The following MAL2 variants were observed in gnomAD, a reference collection of about 807,000 sequenced individuals.
MAL2 encodes the protein protein MAL2.
MAL2 carries 17 observed loss-of-function variants against 18.1 expected under a neutral mutation model. The ratio of observed to expected loss-of-function variants is 0.94; its 90% CI spans 0.64 to 1.41. MAL2 has a LOEUF of 1.41. MAL2 is among the 40% of genes most tolerant of loss of function. MAL2 has a pLI of 0.00. For synonymous variants in MAL2, 102 were observed against 102.3 expected (o/e 1.00, Z 0.02); for missense variants, 222 against 231.9 (o/e 0.96, Z 0.28).
chr8:119,234,681 AC>A (rs1171644799), intron 2 of MAL2, among the ~76,000 whole-genome samples: 2 of 151,652 alleles, frequency 1.3e-5, no homozygotes, highest in Non-Finnish European at 2.9e-5. Context: ...ACTGGGAGGC[AC>A]CCCCCAGCAG....
At chr8:119,223,124 C>T (rs1324139498) in intron 2 of MAL2, among the ~76,000 whole-genome samples, 1 of 152,174 alleles carries the variant, frequency 6.6e-6, no homozygotes, top group Non-Finnish European at 1.5e-5. Flanking sequence ...AGCTTTAGTG[C>T]AGATGTTAAA....
intron 2 of MAL2, among the ~76,000 whole-genome samples, chr8:119,229,792 A>AAAAC (rs1243489321): frequency 1.3e-5 from 2 of 152,178 alleles, no homozygotes; most frequent in Admixed American, 1.3e-4. Flanking sequence ...AACTCTTCCA[A>AAAAC]AAACAAAGCT....
At chr8:119,227,088 G>GA (rs1167346715) in intron 2 of MAL2, among the ~76,000 whole-genome samples, 2 of 152,112 alleles carry the variant, frequency 1.3e-5, no homozygotes, top group Non-Finnish European at 2.9e-5. Flanking sequence ...ATACAATTGT[G>GA]AAAAAAGACA....
rs1487832570 is a variant in MAL2 at position 119,234,831 on chromosome 8, A to G, written c.304-5334A>G. Among the ~76,000 whole-genome samples, 4 of 151,940 alleles carry G rather than the reference A, an allele frequency of 2.6e-5. No homozygotes were observed. The East Asian group carries it at 7.7e-4, about 29-fold the overall frequency. On this transcript the variant is annotated intron_variant, in intron 2 of 3. Coordinates refer to ENST00000614891, the MANE Select transcript of MAL2 (RefSeq NM_052886.3). ...TGTACATCACCATCATCAAAGACCA[A>G]AAGTAGATAAAACCACAAAGATGGG...
chr8:119,218,931 T>A (rs1817410262), intron 1 of MAL2, among the ~76,000 whole-genome samples: 1 of 152,190 alleles, frequency 6.6e-6, no homozygotes, highest in African/African-American at 2.4e-5. Flanking sequence ...TATTTAAAGT[T>A]ATGTAGGTTA....
intron 2 of MAL2, among the ~76,000 whole-genome samples, chr8:119,232,778 CAT>C (rs1316418625): frequency 6.6e-6 from 1 of 152,088 alleles, no homozygotes; most frequent in Non-Finnish European, 1.5e-5. Flanking sequence ...TTAAAGACAG[CAT>C]ATGTTATGGC....
intron 2 of MAL2, among the ~76,000 whole-genome samples, chr8:119,239,547 T>C (rs377224151): frequency 3.9e-5 from 6 of 152,100 alleles, no homozygotes; most frequent in African/African-American, 1.2e-4. Flanking sequence ...TAGACTGGAT[T>C]AAGAAAATGT....
chr8:119,218,588 A>G (rs1264286358), intron 1 of MAL2, among the ~76,000 whole-genome samples: 2 of 151,828 alleles, frequency 1.3e-5, no homozygotes, highest in Non-Finnish European at 2.9e-5. Context: ...AATAGTGTCT[A>G]TTTCTTCCTT....
At chr8:119,231,819 A>T (rs191388221) in intron 2 of MAL2, among the ~76,000 whole-genome samples, 1 of 152,270 alleles carries the variant, frequency 6.6e-6, no homozygotes, top group Admixed American at 6.5e-5. Context: ...CCAGGCACGG[A>T]AAGACCAATA....
intron 2 of MAL2, among the ~76,000 whole-genome samples, chr8:119,222,959 G>A (rs920008431): frequency 1.3e-5 from 2 of 152,070 alleles, no homozygotes; most frequent in Non-Finnish European, 2.9e-5. Flanking sequence ...CTCTAAGACT[G>A]TTTTAGAATG....
chr8:119,233,004 C>G (rs1817768578), intron 2 of MAL2, among the ~76,000 whole-genome samples: 1 of 33,688 alleles, frequency 3.0e-5, no homozygotes, highest in South Asian at 7.9e-4. Flanking sequence ...AGCTTTACTT[C>G]CAACTATGTG....
chr8:119,233,027 A>G (rs1233854403), intron 2 of MAL2, among the ~76,000 whole-genome samples: 1 of 152,178 alleles, frequency 6.6e-6, no homozygotes, highest in Non-Finnish European at 1.5e-5. Flanking sequence ...CAATTTTGGA[A>G]TAGGTGTGGT....
At chr8:119,226,857 G>A (rs1393746573) in intron 2 of MAL2, among the ~76,000 whole-genome samples, 1 of 152,216 alleles carries the variant, frequency 6.6e-6, no homozygotes, top group Non-Finnish European at 1.5e-5. Flanking sequence ...TCTCCAGGTG[G>A]TTCTGATGCA....
intron 1 of MAL2, among the ~76,000 whole-genome samples, chr8:119,212,226 A>G (rs1017832960): frequency 6.6e-6 from 1 of 152,258 alleles, no homozygotes; most frequent in African/African-American, 2.4e-5. Context: ...ATGCACAAGA[A>G]AAATTGAATT....
intron 1 of MAL2, chr8:119,215,690 C>CAGA (rs1191981023): frequency 6.6e-6 from 1 of 152,130 alleles, no homozygotes; most frequent in African/African-American, 2.4e-5. Context: ...GCATGCTAGG[C>CAGA]AGAAACATGG....
chr8:119,239,256 A>G (rs1406316888), intron 2 of MAL2, among the ~76,000 whole-genome samples: 2 of 152,298 alleles, frequency 1.3e-5, no homozygotes, highest in South Asian at 4.1e-4. Context: ...AATGGCAATC[A>G]TTAAAAAGTC....
At chr8:119,236,681 C>G (rs1817904963) in intron 2 of MAL2, among the ~76,000 whole-genome samples, 2 of 150,936 alleles carry the variant, frequency 1.3e-5, no homozygotes, top group Admixed American at 1.3e-4. Flanking sequence ...ACAACCTGCT[C>G]CTGAATGACT....
chr8:119,236,348 GAC>G (rs1817892399), intron 2 of MAL2, among the ~76,000 whole-genome samples: 1 of 150,042 alleles, frequency 6.7e-6, no homozygotes, highest in Non-Finnish European at 1.5e-5. Context: ...AATAATGGGA[GAC>G]TTTAACACCC....
intron 1 of MAL2, among the ~76,000 whole-genome samples, chr8:119,217,563 T>C (rs1817377926): frequency 6.6e-6 from 1 of 152,192 alleles, no homozygotes; most frequent in Non-Finnish European, 1.5e-5. Context: ...ATTTTATACA[T>C]AATTATTGGA....
Sources: allele counts gnomAD v4.1 joint callset (sites outside exome capture counted in the v4.1 genomes callset), GRCh38; gene constraint gnomAD v4.1.1; transcripts MANE v1.5; gene names NCBI Gene and HGNC (gene_info 2026-07-23, HGNC 2026-07-21).